The following GNAO1 variants were observed in gnomAD, a reference collection of about 807,000 sequenced individuals.
GNAO1 encodes guanine nucleotide-binding protein G(o) subunit alpha.
For missense variants in GNAO1, 166 were observed against 478.7 expected (o/e 0.35, Z 6.10); for synonymous variants, 164 against 180.7 (o/e 0.91, Z 0.74).
intron 3 of GNAO1, among the ~76,000 whole-genome samples, chr16:56,292,270 C>T (rs2037240150): frequency 6.6e-6 from 1 of 152,144 alleles, no homozygotes; most frequent in African/African-American, 2.4e-5. Flanking sequence ...CTGGATGCCT[C>T]GCAGGCATGG....
intron 3 of GNAO1, among the ~76,000 whole-genome samples, chr16:56,296,179 G>C (rs1253042473): frequency 6.6e-6 from 1 of 152,200 alleles, no homozygotes. Context: ...ATGGGCTTGT[G>C]GGAGAGTTCT....
chr16:56,316,277 C>G (rs1170510999), intron 3 of GNAO1, among the ~76,000 whole-genome samples: 1 of 152,176 alleles, frequency 6.6e-6, no homozygotes, highest in Non-Finnish European at 1.5e-5. Context: ...CCTGGCATTT[C>G]CTCTGCCAGG....
rs1203389702 is a variant in GNAO1 at position 56,311,413 on chromosome 16, A to G, written c.304-17218A>G. The stretch of plus-strand genomic sequence containing the variant: ...GCAGCTCTTCCCCAGCAGAGGGCAG[A>G]GTTGATACCCTTCCCCACCCGGGCC... On this transcript the variant is annotated intron_variant, in intron 3 of 8. Transcript: ENST00000262493. This position sits in a 1 kb window ranked among gnomAD's most constrained non-coding sequence, Gnocchi z 5.2. Among the ~76,000 whole-genome samples the G allele has an allele frequency of 2.0e-5, 3 of 152,098 alleles. No individual in the cohort carries two copies. Among genetic ancestry groups the G allele is most frequent in the East Asian group, 3.9e-4 (2 of 5,188 alleles).
At chr16:56,251,022 A>G (rs1269409628) in intron 2 of GNAO1, among the ~76,000 whole-genome samples, 2 of 152,230 alleles carry the variant, frequency 1.3e-5, no homozygotes, top group African/African-American at 4.8e-5. Flanking sequence ...CAAGCCACAA[A>G]TGTCTAATCT....
intron 3 of GNAO1, among the ~76,000 whole-genome samples, chr16:56,322,589 C>T (rs868768846): frequency 2.6e-4 from 40 of 152,180 alleles, no homozygotes; most frequent in African/African-American, 9.6e-4. Flanking sequence ...TCTTATGCAT[C>T]TCCCTTCCCT....
intron 2 of GNAO1, among the ~76,000 whole-genome samples, chr16:56,229,593 G>A (rs1298495185): frequency 1.3e-5 from 2 of 151,496 alleles, no homozygotes; most frequent in Non-Finnish European, 2.9e-5. Flanking sequence ...ACCAGGCACT[G>A]TTCATGGATG....
At chr16:56,195,510 T>G (rs1224286477) in intron 2 of GNAO1, among the ~76,000 whole-genome samples, 7 of 152,252 alleles carry the variant, frequency 4.6e-5, no homozygotes, top group African/African-American at 1.7e-4. Flanking sequence ...AGAATTCTAC[T>G]GTGGATGGGG....
Position 56,328,676 on chromosome 16 carries a change from A to C in GNAO1, c.349A>C (p.Thr117Pro). The C allele has an allele frequency of 6.2e-7, 1 of 1,614,240 alleles. No homozygotes were observed. Among genetic ancestry groups the C allele is most frequent in the Non-Finnish European group, 8.5e-7 (1 of 1,180,034 alleles). ...TGATGTGGTGAGTCGGATGGAAGACACCGAGCCCTTCTCTGCAGAGCTGCT... is the reference window on the plus strand; with the variant it reads ...TGATGTGGTGAGTCGGATGGAAGACCCCGAGCCCTTCTCTGCAGAGCTGCT... ...VCDVVSRMED[T>P]EPFSAELLSA... The change falls in exon 4 of 9, where the codon ACC becomes CCC. Residue 117 changes from threonine (T) to proline (P), a missense_variant. Transcript: ENST00000262493.
chr16:56,304,433 C>T (rs147552158), intron 3 of GNAO1, among the ~76,000 whole-genome samples: 28 of 152,300 alleles, frequency 1.8e-4, no homozygotes, highest in African/African-American at 6.3e-4. Context: ...GTTCAAAATA[C>T]GGGATATATT....
chr16:56,248,777 C>T (rs1290530335), intron 2 of GNAO1, among the ~76,000 whole-genome samples: 1 of 152,022 alleles, frequency 6.6e-6, no homozygotes. Context: ...GCCTCTATGG[C>T]GGGAGGGATA....
At chr16:56,253,087 C>T (rs1243187767) in intron 2 of GNAO1, among the ~76,000 whole-genome samples, 1 of 152,192 alleles carries the variant, frequency 6.6e-6, no homozygotes, top group Non-Finnish European at 1.5e-5. Context: ...CAGCAGCAGC[C>T]ATCTCTGGAG....
At chr16:56,273,582 T>C (rs1356451124) in intron 2 of GNAO1, among the ~76,000 whole-genome samples, 1 of 152,250 alleles carries the variant, frequency 6.6e-6, no homozygotes, top group East Asian at 1.9e-4. Flanking sequence ...TGTGTGATGC[T>C]GATACTATGA....
intron 3 of GNAO1, among the ~76,000 whole-genome samples, chr16:56,285,153 A>C (rs1258458538): frequency 6.6e-6 from 1 of 152,214 alleles, no homozygotes; most frequent in African/African-American, 2.4e-5. Context: ...TTAAAAAGGA[A>C]ATTTAAATGA....
At chr16:56,332,181 C>T (rs1255945471) in intron 4 of GNAO1, among the ~76,000 whole-genome samples, 1 of 152,154 alleles carries the variant, frequency 6.6e-6, no homozygotes, top group African/African-American at 2.4e-5. Flanking sequence ...GGCCAGAACC[C>T]TCGAGGGGCT....
chr16:56,340,667 T>A, intron 6 of GNAO1: 1 of 665,326 alleles, frequency 1.5e-6, no homozygotes, highest in South Asian at 1.8e-5. Flanking sequence ...CCACGTCCCG[T>A]CTGTCCTTGT....
intron 2 of GNAO1, among the ~76,000 whole-genome samples, chr16:56,247,592 A>G (rs867069293): frequency 2.0e-5 from 3 of 149,976 alleles, no homozygotes; most frequent in Non-Finnish European, 2.9e-5. Flanking sequence ...CATCTTGTGC[A>G]TACATAATAG....
At chr16:56,349,411 T>C (rs2037901569) in intron 6 of GNAO1, among the ~76,000 whole-genome samples, 1 of 152,158 alleles carries the variant, frequency 6.6e-6, no homozygotes, top group African/African-American at 2.4e-5. Context: ...GGCCTCATAA[T>C]GTGGCTCAAT....
At chr16:56,342,217 C>T (rs2037812996) in intron 6 of GNAO1, among the ~76,000 whole-genome samples, 1 of 152,188 alleles carries the variant, frequency 6.6e-6, no homozygotes, top group Non-Finnish European at 1.5e-5. Context: ...CAGTGTGGGC[C>T]TGGAGTGGGG....
intron 2 of GNAO1, among the ~76,000 whole-genome samples, chr16:56,199,940 A>T (rs2037085282): frequency 6.6e-6 from 1 of 152,198 alleles, no homozygotes; most frequent in Non-Finnish European, 1.5e-5. Context: ...TACTCTCTTG[A>T]TTTGTCAACC....
Sources: allele counts gnomAD v4.1 joint callset (sites outside exome capture counted in the v4.1 genomes callset), GRCh38; gene constraint gnomAD v4.1.1; non-coding constraint Gnocchi (gnomAD v3.1); transcripts MANE v1.5; gene names NCBI Gene and HGNC (gene_info 2026-07-23, HGNC 2026-07-21).